Variants in PAPPA observed in about 807,000 individuals in gnomAD.
The protein encoded by PAPPA is pappalysin-1.
PAPPA carries 60 observed loss-of-function variants against 164.0 expected under a neutral mutation model. The observed-to-expected ratio is 0.37, with a 90% confidence interval of 0.30 to 0.45. PAPPA has a LOEUF of 0.45. Ranked by LOEUF, PAPPA falls within the 20% of genes least tolerant of loss-of-function variation. PAPPA has a pLI of 1.00. For synonymous variants in PAPPA, 875 were observed against 814.1 expected (o/e 1.07, Z -1.27); for missense variants, 1,782 against 2,087.3 (o/e 0.85, Z 2.85).
chr9:116,236,632 T>A (rs1412173931), intron 7 of PAPPA, among the ~76,000 whole-genome samples: 2 of 151,862 alleles, frequency 1.3e-5, no homozygotes, highest in East Asian at 3.9e-4. Flanking sequence ...GCCACCTCTC[T>A]ATTACTTCTT....
At chr9:116,284,545 C>CT (rs61248033) in intron 9 of PAPPA, among the ~76,000 whole-genome samples, 22,742 of 88,306 alleles carry the variant, frequency 0.26, 3,163 homozygotes, top group Admixed American at 0.29. Flanking sequence ...TAGTCTGGGC[C>CT]TTTTTTTTTT....
At position 116,289,197 on chromosome 9, in the gene PAPPA, CA is replaced by C. The variant is rs1845391565; in HGVS notation, c.2954-13559del. Among the ~76,000 whole-genome samples the C allele has an allele frequency of 1.5e-4, 3 of 19,758 alleles. 1 individual carries two copies. Among genetic ancestry groups the C allele is most frequent in the Non-Finnish European group, 2.9e-4 (3 of 10,462 alleles). 13.0% of individuals were successfully genotyped at this position (19,758 alleles called of 152,430 possible). Reference sequence around the variant, plus strand: ...TAGCATATATGTAGCATATATATAGCATATATATATAGCATATATGTAGCAT... The same window carrying C: ...TAGCATATATGTAGCATATATATAGCTATATATATAGCATATATGTAGCAT... On this transcript the variant is annotated intron_variant, in intron 9 of 21. Transcript: ENST00000328252.
intron 9 of PAPPA, chr9:116,287,023 A>T (rs183706444): frequency 2.6e-5 from 4 of 152,324 alleles, no homozygotes; most frequent in Admixed American, 2.6e-4. Context: ...CATCCGAGAG[A>T]GAATCAGATC....
intron 8 of PAPPA, among the ~76,000 whole-genome samples, chr9:116,266,857 T>C (rs560573898): frequency 6.6e-5 from 10 of 152,382 alleles, no homozygotes; most frequent in African/African-American, 2.4e-4. Context: ...GCTAAAATTA[T>C]GTTCCTCATT....
intron 3 of PAPPA, 81 bp downstream of exon 3, chr9:116,207,682 C>A: frequency 9.3e-7 from 1 of 1,080,306 alleles, no homozygotes; most frequent in Non-Finnish European, 1.3e-6. Flanking sequence ...TTGTTACGAT[C>A]ATGATGGTGG....
At chr9:116,184,304 T>C (rs1458081257) in intron 1 of PAPPA, among the ~76,000 whole-genome samples, 3 of 152,178 alleles carry the variant, frequency 2.0e-5, no homozygotes, top group Non-Finnish European at 4.4e-5. Context: ...GCTTTTAATA[T>C]GTAGTCTCAT....
At chr9:116,177,735 G>C (rs1465188073) in intron 1 of PAPPA, among the ~76,000 whole-genome samples, 1 of 152,172 alleles carries the variant, frequency 6.6e-6, no homozygotes, top group Non-Finnish European at 1.5e-5. Context: ...CCGAAGGAAA[G>C]ATCTCTCTTC....
rs188028540 is a variant in PAPPA at position 116,169,262 on chromosome 9, C to T, written c.415+14675C>T. Among the ~76,000 whole-genome samples, 4 of 147,652 alleles carry T rather than the reference C, an allele frequency of 2.7e-5. No homozygotes were observed. The Admixed American group carries it at 2.7e-4, about 10-fold the overall frequency. On this transcript the variant is annotated intron_variant, in intron 1 of 21. Transcript: ENST00000328252. Reference sequence around the variant, plus strand: ...TGAACCAGTATACCATCTATGCCAGCTTTAAGTCCCTTCCATGTGGCTGTC... The same window carrying T: ...TGAACCAGTATACCATCTATGCCAGTTTTAAGTCCCTTCCATGTGGCTGTC...
chr9:116,347,047 A>G lies in PAPPA; in HGVS notation c.3802A>G (p.Thr1268Ala), dbSNP rs1846219577. 6.2e-7 allele frequency: 1 copy of G among 1,613,552 alleles called. No individual in the cohort carries two copies. Among genetic ancestry groups the G allele is most frequent in the Non-Finnish European group, 8.5e-7 (1 of 1,179,790 alleles). The change falls in exon 15 of 22, where the codon ACC becomes GCC. Residue 1268 changes from threonine (T) to alanine (A), a missense_variant. Physicochemically the swap from Thr to Ala is moderately conservative, Grantham distance 58. This residue lies in a region of PAPPA where 1,324 missense variants were observed against 1,656.9 expected (regional missense o/e 0.80). Coordinates refer to ENST00000328252, the MANE Select transcript of PAPPA (RefSeq NM_002581.5). The surrounding 1 kb of genome is among the most constrained non-coding windows in gnomAD (Gnocchi z 4.5). ...KSQTGPSVTVTCTEGKWNKQV... is the reference protein window; with the variant it reads ...KSQTGPSVTVACTEGKWNKQV... ...TCAGACGGGACCCAGCGTCACAGTG[A>G]CCTGTACAGAGGGCAAGTGGAATAA...
chr9:116,367,831 G>A (rs967135900), intron 19 of PAPPA, 77 bp downstream of exon 19: 284 of 951,446 alleles, frequency 3.0e-4, no homozygotes, highest in Admixed American at 2.5e-4. Flanking sequence ...GCTATGTCCC[G>A]GTTCTGAGTT....
intron 1 of PAPPA, among the ~76,000 whole-genome samples, chr9:116,179,171 G>C (rs3789274): frequency 6.6e-6 from 1 of 152,110 alleles, no homozygotes; most frequent in Non-Finnish European, 1.5e-5. Flanking sequence ...GAAAACTAAG[G>C]TTCAGAGAGG....
chr9:116,329,725 G>A (rs997375150), intron 10 of PAPPA, among the ~76,000 whole-genome samples: 12 of 151,954 alleles, frequency 7.9e-5, no homozygotes, highest in Non-Finnish European at 1.3e-4. Flanking sequence ...TATGTTTTGC[G>A]ATCTCTCCAT....
At chr9:116,220,371 A>T (rs1260575204) in intron 5 of PAPPA, among the ~76,000 whole-genome samples, 1 of 151,988 alleles carries the variant, frequency 6.6e-6, no homozygotes, top group Non-Finnish European at 1.5e-5. Flanking sequence ...TCACTTTGTT[A>T]TTAGAAACTT....
At chr9:116,364,970 G>A (rs771428616) in intron 18 of PAPPA, among the ~76,000 whole-genome samples, 1 of 152,196 alleles carries the variant, frequency 6.6e-6, no homozygotes, top group Middle Eastern at 3.2e-3. Context: ...GGAGATCAGA[G>A]AGAAAAAGCC....
Position 116,352,854 on chromosome 9 carries a change from C to T in PAPPA, c.4113C>T (p.Ser1371=), listed in dbSNP as rs1272632577. The T allele has an allele frequency of 6.2e-7, 1 of 1,614,118 alleles. No individual in the cohort carries two copies. The highest frequency in any genetic ancestry group is 1.7e-5 in the Admixed American group (1 of 60,014). Residue 1371 remains serine, a synonymous_variant, in exon 16 of 22, where the codon TCC becomes TCT. Transcript: ENST00000328252. The part of the protein sequence containing the change: ...RCRENKHKVG[S]FCKYKCKPGY... ...GAGAGAATAAGCACAAGGTGGGCTC[C>T]TTCTGCAAATACAAATGCAAGCCTG...
chr9:116,293,193 A>G (rs564810797), intron 9 of PAPPA, among the ~76,000 whole-genome samples: 1 of 152,376 alleles, frequency 6.6e-6, no homozygotes, highest in East Asian at 1.9e-4. Context: ...ACTGTGAATC[A>G]TAGAAAGAGA....
At chr9:116,256,149 A>T (rs1001035402) in intron 7 of PAPPA, among the ~76,000 whole-genome samples, 3 of 152,028 alleles carry the variant, frequency 2.0e-5, no homozygotes, top group African/African-American at 7.2e-5. Context: ...TCTGAAAATT[A>T]AAAACATGAA....
At chr9:116,159,293 T>C (rs1373883811) in intron 1 of PAPPA, among the ~76,000 whole-genome samples, 10 of 152,330 alleles carry the variant, frequency 6.6e-5, no homozygotes, top group Non-Finnish European at 1.5e-5. Context: ...CAACTTGTAT[T>C]AGAGACTCAG....
At chr9:116,291,883 A>G (rs1180563843) in intron 9 of PAPPA, among the ~76,000 whole-genome samples, 1 of 152,074 alleles carries the variant, frequency 6.6e-6, no homozygotes, top group East Asian at 1.9e-4. Context: ...AGTAAAGGAA[A>G]TAAAACAATA....
Sources: gnomAD v4.1 joint callset for allele counts (sites outside exome capture counted in the v4.1 genomes callset) on GRCh38, gnomAD v4.1.1 for gene constraint, gnomAD v4.1.1 regional missense constraint, Gnocchi (gnomAD v3.1) non-coding constraint, MANE v1.5 for transcripts, NCBI Gene and HGNC (gene_info 2026-07-23, HGNC 2026-07-21) for gene names.